The following ITGA6 variants were observed in gnomAD, a reference collection of about 807,000 sequenced individuals.
ITGA6 encodes integrin alpha-6.
Under a neutral mutation model 133.6 loss-of-function variants are expected in ITGA6, and 63 were observed. The observed-to-expected ratio is 0.47, with a 90% CI of 0.38 to 0.58. The LOEUF is 0.58. Ranked by LOEUF, ITGA6 falls within the 20% of genes least tolerant of loss-of-function variation. The probability of loss-of-function intolerance (pLI) is 0.00; values close to 1 mark genes in which losing one functional copy is unlikely to be tolerated. For synonymous variants in ITGA6, 434 were observed against 482.0 expected (o/e 0.90, Z 1.30); for missense variants, 1,068 against 1,309.4 (o/e 0.82, Z 2.85).
chr2:172,443,159 A>G lies in ITGA6; in HGVS notation c.182+15189A>G, dbSNP rs572862223. Among the ~76,000 whole-genome samples the G allele has an allele frequency of 4.2e-4, 64 of 152,278 alleles. No individual in the cohort carries two copies. The South Asian group carries it at 0.013, about 32-fold the overall frequency. On this transcript the variant is annotated intron_variant, in intron 1 of 25. Coordinates refer to ENST00000684293, the MANE Select transcript of ITGA6 (RefSeq NM_000210.4). ...TATACATTTACAAGCAAATATGTAC[A>G]TAGATTTTTTTTACCCATTTGCCAT...
intron 8 of ITGA6, 148 bp from the exon 9 acceptor site, chr2:172,476,247 G>C: frequency 1.5e-6 from 1 of 662,326 alleles, no homozygotes; most frequent in South Asian, 1.7e-5. Context: ...AGATCATATA[G>C]AAATTTATGA....
chr2:172,490,968 T>C, intron 20 of ITGA6, 56 bp from the exon 21 acceptor site: 2 of 902,154 alleles, frequency 2.2e-6, no homozygotes, highest in East Asian at 2.4e-5. Context: ...GAGGCTTGTA[T>C]GGTAATGACA....
intron 1 of ITGA6, among the ~76,000 whole-genome samples, chr2:172,450,989 A>G (rs13387602): frequency 0.21 from 30,225 of 147,372 alleles, 4,460 homozygotes; most frequent in African/African-American, 0.42. Context: ...GTGTGTATAT[A>G]TATACACACA....
chr2:172,446,517 T>C (rs1264800572), intron 1 of ITGA6, among the ~76,000 whole-genome samples: 1 of 152,210 alleles, frequency 6.6e-6, no homozygotes, highest in Non-Finnish European at 1.5e-5. Flanking sequence ...TTACTAAGCA[T>C]CTACTATGTG....
chr2:172,427,585 C>G, upstream of ITGA6: 3 of 1,261,112 alleles, frequency 2.4e-6, no homozygotes, highest in Non-Finnish European at 2.0e-6. Flanking sequence ...CTCCAGAGAA[C>G]AACGGGCTCA....
intron 1 of ITGA6, among the ~76,000 whole-genome samples, chr2:172,446,210 TA>T (rs1311240164): frequency 6.6e-6 from 1 of 152,262 alleles, no homozygotes; most frequent in East Asian, 1.9e-4. Context: ...ATTGGAGTAG[TA>T]AAATGGGTAT....
rs1574407018 is a variant in ITGA6 at position 172,491,235 on chromosome 2, C to T, written c.2793C>T (p.Asn931=). The T allele has an allele frequency of 5.0e-6, 8 of 1,607,886 alleles. No individual in the cohort carries two copies. The highest frequency in any genetic ancestry group is 2.2e-5 in the East Asian group (1 of 44,834). Residue 931 remains asparagine, a synonymous_variant, in exon 22 of 26, where the codon AAC becomes AAT. Transcript: ENST00000684293. This position sits in a 1 kb window ranked among gnomAD's most constrained non-coding sequence, Gnocchi z 4.4. ...TTTCTCTCTAGAACTGTAGCGTGAA[C>T]GTGAACTGTGTGAACATCAGATGCC... ...RKYQTLNCSV[N]VNCVNIRCPL... is the part of the protein sequence containing the mutation.
At chr2:172,435,513 G>A (rs535304221) in intron 1 of ITGA6, among the ~76,000 whole-genome samples, 4 of 152,036 alleles carry the variant, frequency 2.6e-5, no homozygotes, top group Admixed American at 6.5e-5. Context: ...TTAGAGATAG[G>A]TAGGAAAAAG....
intron 24 of ITGA6, among the ~76,000 whole-genome samples, chr2:172,500,535 C>G (rs2149101798): frequency 6.6e-6 from 1 of 152,282 alleles, no homozygotes; most frequent in East Asian, 1.9e-4. Flanking sequence ...GAGGCTGAGG[C>G]AGGAGAATGG....
chr2:172,487,297 T>A lies in ITGA6; in HGVS notation c.2004T>A (p.Asp668Glu), dbSNP rs764054938. 1 of 1,614,030 alleles carries A rather than the reference T, an allele frequency of 6.2e-7. No homozygotes were observed. The highest frequency in any genetic ancestry group is 1.1e-5 in the South Asian group (1 of 91,090). The change falls in exon 15 of 26, where the codon GAT becomes GAA. Residue 668 changes from aspartate to glutamate, a missense_variant. Physicochemically the swap from Asp to Glu is conservative, Grantham distance 45. Coordinates refer to ENST00000684293, the MANE Select transcript of ITGA6 (RefSeq NM_000210.4). ...GTGTACCAGAACTAGTTCTAAAAGA[T>A]CAGAAGGATATTGCTTTAGAAATAA... ...QKGVPELVLK[D>E]QKDIALEITV...
At chr2:172,438,443 C>T (rs562921474) in intron 1 of ITGA6, among the ~76,000 whole-genome samples, 2 of 151,806 alleles carry the variant, frequency 1.3e-5, no homozygotes, top group East Asian at 1.9e-4. Context: ...AGTCATTAGC[C>T]CTAAGTTACT....
chr2:172,427,496 C>T, upstream of ITGA6: 1 of 1,018,502 alleles, frequency 9.8e-7, no homozygotes, highest in Non-Finnish European at 1.2e-6. Context: ...TGCGCCGGGC[C>T]GCGGGCGCGC....
intron 5 of ITGA6, chr2:172,472,757 C>T (rs1464279231): frequency 2.0e-6 from 3 of 1,491,516 alleles, no homozygotes; most frequent in African/African-American, 1.4e-5. Flanking sequence ...TTTCTTCCGT[C>T]CCGTGCATGC....
Position 172,503,602 on chromosome 2 carries a change from A to G in ITGA6, c.*23-489A>G, listed in dbSNP as rs147970002. The stretch of plus-strand genomic sequence containing the variant: ...GCCTCAGAGGAGAGAAAAAGATTAT[A>G]AAGTTGACCTGTTGGAACACTGGCA... On this transcript the variant is annotated intron_variant, in intron 25 of 25. Transcript: ENST00000684293. 7.6e-3 allele frequency: 1,163 copies of G among 152,418 alleles called. 7 individuals carry two copies. The highest frequency in any genetic ancestry group is 0.011 in the Non-Finnish European group (768 of 68,102). The allele number at this position is 152,418 out of a possible 1,614,324, so 9.4% of individuals were successfully genotyped here. A position where few individuals can be genotyped will look rare whatever the true frequency, so the allele number is the denominator to read the frequency against.
At chr2:172,442,269 C>A (rs550250989) in intron 1 of ITGA6, among the ~76,000 whole-genome samples, 4 of 152,186 alleles carry the variant, frequency 2.6e-5, no homozygotes, top group African/African-American at 9.7e-5. Context: ...CAGCTCCTCC[C>A]GGTAGGAAGT....
At chr2:172,446,900 T>A (rs116779254) in intron 1 of ITGA6, among the ~76,000 whole-genome samples, 3,623 of 152,260 alleles carry the variant, frequency 0.024, 129 homozygotes, top group African/African-American at 0.082. Flanking sequence ...AATTTAATTT[T>A]ATTTTTAATT....
chr2:172,454,265 G>A (rs1685127305), intron 1 of ITGA6, among the ~76,000 whole-genome samples: 1 of 152,000 alleles, frequency 6.6e-6, no homozygotes, highest in East Asian at 1.9e-4. Context: ...TGTATTTTTA[G>A]TAGAGATGGG....
At chr2:172,501,965 T>G (rs1470147674) in intron 25 of ITGA6, 64 bp downstream of exon 25, 5 of 1,431,844 alleles carry the variant, frequency 3.5e-6, no homozygotes, top group South Asian at 1.2e-5. Context: ...TGGCTAACTT[T>G]AAGAACAACA....
At chr2:172,455,537 T>C (rs988175046) in intron 1 of ITGA6, among the ~76,000 whole-genome samples, 1 of 152,230 alleles carries the variant, frequency 6.6e-6, no homozygotes, top group Non-Finnish European at 1.5e-5. Context: ...CAGCTGCTGC[T>C]AAATAGTTGT....
Sources: gnomAD v4.1 joint callset for allele counts (sites outside exome capture counted in the v4.1 genomes callset) on GRCh38, gnomAD v4.1.1 for gene constraint, Gnocchi (gnomAD v3.1) non-coding constraint, MANE v1.5 for transcripts, NCBI Gene and HGNC (gene_info 2026-07-23, HGNC 2026-07-21) for gene names.